NR5A2: variants seen among roughly 807,000 people sequenced by gnomAD.
NR5A2 encodes nuclear receptor subfamily 5 group A member 2, also known as CYP7A promoter-binding factor.
Under a neutral mutation model 62.7 loss-of-function variants are expected in NR5A2, and 26 were observed. The observed-to-expected ratio is 0.41, with a 90% confidence interval of 0.30 to 0.58. The LOEUF is 0.58. Among genes scored for constraint, NR5A2 ranks in the 20% least tolerant of loss-of-function variants. The probability of loss-of-function intolerance (pLI) is 0.22; values close to 1 mark genes in which losing one functional copy is unlikely to be tolerated. For synonymous variants in NR5A2, 246 were observed against 241.7 expected, an observed-to-expected ratio of 1.02 and a Z score of -0.16; for missense variants, 541 against 669.1, an observed-to-expected ratio of 0.81 and a Z score of 2.11.
Position 200,176,185 on chromosome 1 carries a change from T to C in NR5A2, c.*1975T>C, listed in dbSNP as rs1216668565. Reference sequence around the variant, plus strand: ...AAATTATGTGACTTGTAGCTTCCTCTGGTTTTCAAGTAAACTCAACAAGGT... The same window carrying C: ...AAATTATGTGACTTGTAGCTTCCTCCGGTTTTCAAGTAAACTCAACAAGGT... On this transcript the variant is annotated 3_prime_UTR_variant, in exon 8 of 8. Coordinates refer to ENST00000367362, the MANE Select transcript of NR5A2 (RefSeq NM_205860.3). 1.3e-5 allele frequency: 2 copies of C among 152,666 alleles called. No homozygotes were observed. The highest frequency in any genetic ancestry group is 3.8e-4 in the East Asian group (2 of 5,202). The allele number at this position is 152,666 out of a possible 1,614,324, so 9.5% of individuals were successfully genotyped here. A position where few individuals can be genotyped will look rare whatever the true frequency, so the allele number is the denominator to read the frequency against.
intron 6 of NR5A2, among the ~76,000 whole-genome samples, chr1:200,115,044 G>A (rs200246574): frequency 8.6e-6 from 1 of 116,514 alleles, no homozygotes; most frequent in Non-Finnish European, 1.9e-5. Flanking sequence ...TGCTTTTTTT[G>A]TGGTTTAGTT....
intron 7 of NR5A2, among the ~76,000 whole-genome samples, chr1:200,140,235 TTTTC>T (rs1017884693): frequency 9.2e-5 from 14 of 152,072 alleles, no homozygotes; most frequent in African/African-American, 3.1e-4. Flanking sequence ...GTGCTTCTTA[TTTTC>T]TTTCTTTCTT....
intron 5 of NR5A2, among the ~76,000 whole-genome samples, chr1:200,082,673 T>G (rs560283321): frequency 1.3e-5 from 2 of 152,312 alleles, no homozygotes; most frequent in South Asian, 2.1e-4. Flanking sequence ...TTTAAACTCA[T>G]GATTTTAGTA....
chr1:200,089,615 G>A (rs746400038), intron 5 of NR5A2, among the ~76,000 whole-genome samples: 46 of 152,206 alleles, frequency 3.0e-4, no homozygotes, highest in Non-Finnish European at 6.0e-4. Context: ...GACTATAGGC[G>A]TGTGCCACCA....
chr1:200,072,034 T>C (rs1279822718), intron 5 of NR5A2, among the ~76,000 whole-genome samples: 1 of 152,190 alleles, frequency 6.6e-6, no homozygotes, highest in African/African-American at 2.4e-5. Context: ...AGTGAGGAAA[T>C]TGATTCATGT....
At chr1:200,054,501 G>A (rs1044575588) in intron 5 of NR5A2, among the ~76,000 whole-genome samples, 2 of 152,140 alleles carry the variant, frequency 1.3e-5, no homozygotes, top group Non-Finnish European at 2.9e-5. Context: ...AGAGAATTCT[G>A]GGAATGGATA....
At chr1:200,052,338 T>C (rs2821373) in intron 5 of NR5A2, among the ~76,000 whole-genome samples, 14,239 of 152,206 alleles carry the variant, frequency 0.094, 745 homozygotes, top group Middle Eastern at 0.22. Flanking sequence ...AATGCTCTTT[T>C]TTATTCAATT....
Position 200,048,648 on chromosome 1 carries a change from G to C in NR5A2, c.940G>C (p.Asp314His), listed in dbSNP as rs780916114. 6.2e-7 allele frequency: 1 copy of C among 1,614,214 alleles called. No homozygotes were observed. The highest frequency in any genetic ancestry group is 2.2e-5 in the East Asian group (1 of 44,884). ...LILELLKCEP[D>H]EPQVQAKIMA... ...ACTGGAACTTTTGAAGTGTGAGCCA[G>C]ATGAGCCTCAAGTCCAGGCTAAAAT... The change falls in exon 5 of 8, where the codon GAT becomes CAT. Residue 314 changes from aspartate (D) to histidine (H), a missense_variant. This residue lies in a region of NR5A2 where 379 missense variants were observed against 442.0 expected (regional missense o/e 0.86). Transcript: ENST00000367362. The surrounding 1 kb of genome is among the most constrained non-coding windows in gnomAD (Gnocchi z 4.8).
intron 2 of NR5A2, among the ~76,000 whole-genome samples, chr1:200,040,506 C>T (rs956592084): frequency 1.3e-5 from 2 of 152,088 alleles, no homozygotes; most frequent in South Asian, 2.1e-4. Context: ...TGATTGCCAA[C>T]AAAAAAACAA....
At chr1:200,090,682 G>A (rs72740810) in intron 5 of NR5A2, among the ~76,000 whole-genome samples, 11,332 of 152,148 alleles carry the variant, frequency 0.074, 522 homozygotes, top group African/African-American at 0.11. Context: ...GACATCCAGG[G>A]GAACAAAAAC....
intron 7 of NR5A2, among the ~76,000 whole-genome samples, chr1:200,171,744 T>C (rs1654190867): frequency 6.6e-6 from 1 of 152,100 alleles, no homozygotes; most frequent in Admixed American, 6.6e-5. Context: ...CAAGACTCTG[T>C]CTCAAAATAA....
chr1:200,135,693 T>C (rs1204607113), intron 7 of NR5A2, among the ~76,000 whole-genome samples: 1 of 152,178 alleles, frequency 6.6e-6, no homozygotes, highest in Non-Finnish European at 1.5e-5. Context: ...CACCTCACTT[T>C]TTTCCATCTG....
chr1:200,119,516 G>A (rs1302632067), intron 6 of NR5A2, among the ~76,000 whole-genome samples: 2 of 152,166 alleles, frequency 1.3e-5, no homozygotes, highest in Non-Finnish European at 2.9e-5. Context: ...TTCCCATTAT[G>A]CTGTAATCGC....
chr1:200,030,147 G>A (rs541962868), intron 1 of NR5A2, among the ~76,000 whole-genome samples: 2 of 152,266 alleles, frequency 1.3e-5, no homozygotes, highest in East Asian at 3.9e-4. Context: ...GGGTCTCGAG[G>A]GTAGCTTTCA....
In NR5A2 at chr1:200,052,715, C is replaced by T. The variant is rs546514418; in HGVS notation, c.1110+3897C>T. ...GGAGTGCAGTGGTGCGATCTTGGCT[C>T]ATTGCAAGCTCCGCCTCTTGGGTTC... On this transcript the variant is annotated intron_variant, in intron 5 of 7. Coordinates refer to ENST00000367362, the MANE Select transcript of NR5A2 (RefSeq NM_205860.3). 5.3e-5 allele frequency among the ~76,000 whole-genome samples: 8 copies of T among 151,964 alleles called. No individual in the cohort carries two copies. In the East Asian group the frequency reaches 1.5e-3, roughly 29 times the overall value.
At chr1:200,068,385 C>T (rs973429299) in intron 5 of NR5A2, among the ~76,000 whole-genome samples, 1 of 152,164 alleles carries the variant, frequency 6.6e-6, no homozygotes, top group African/African-American at 2.4e-5. Context: ...TCTTCAGTCT[C>T]CCAATATTCC....
chr1:200,062,184 C>T (rs1485949343), intron 5 of NR5A2, among the ~76,000 whole-genome samples: 1 of 150,694 alleles, frequency 6.6e-6, no homozygotes, highest in African/African-American at 2.4e-5. Flanking sequence ...CAATTATCTG[C>T]ATGCACAAGT....
Position 200,174,414 on chromosome 1 carries a change from G to A in NR5A2, c.*204G>A. 2 of 440,362 alleles carry A rather than the reference G, an allele frequency of 4.5e-6. No homozygotes were observed. Among genetic ancestry groups the A allele is most frequent in the African/African-American group, 2.0e-5 (1 of 49,428 alleles). 27.3% of individuals were successfully genotyped at this position (440,362 alleles called of 1,614,324 possible). On this transcript the variant is annotated 3_prime_UTR_variant, in exon 8 of 8. Transcript: ENST00000367362. ...AATGATGTATCAGGGTATTTGTATT[G>A]CAAACTGTGAATCAAAGGCTTCACA...
chr1:200,134,563 T>C (rs1667131597), intron 7 of NR5A2, among the ~76,000 whole-genome samples: 1 of 152,194 alleles, frequency 6.6e-6, no homozygotes. Flanking sequence ...CACTCTATGA[T>C]GATCGCGCAA....
Sources: gnomAD v4.1 joint callset for allele counts (sites outside exome capture counted in the v4.1 genomes callset) on GRCh38, gnomAD v4.1.1 for gene constraint, gnomAD v4.1.1 regional missense constraint, Gnocchi (gnomAD v3.1) non-coding constraint, MANE v1.5 for transcripts, NCBI Gene and HGNC (gene_info 2026-07-23, HGNC 2026-07-21) for gene names.